GSN: variants seen among roughly 807,000 people sequenced by gnomAD.
GSN encodes actin-depolymerizing factor.
GSN carries 56 observed loss-of-function variants against 85.7 expected under a neutral mutation model. The ratio of observed to expected loss-of-function variants is 0.65; its 90% confidence interval spans 0.53 to 0.82. The LOEUF is 0.82. GSN is among the 40% of genes least tolerant of loss of function. GSN has a pLI of 0.00. For synonymous variants in GSN, 373 were observed against 399.1 expected (o/e 0.93, Z 0.78); for missense variants, 857 against 979.8 (o/e 0.87, Z 1.67).
intron 4 of GSN, among the ~76,000 whole-genome samples, chr9:121,226,181 T>A (rs1283335821): frequency 6.6e-6 from 1 of 152,212 alleles, no homozygotes; most frequent in South Asian, 2.1e-4. Context: ...ACCCAGGCTC[T>A]TCAAGTCATT....
intron 4 of GSN, among the ~76,000 whole-genome samples, chr9:121,307,844 T>C (rs405561): frequency 6.6e-6 from 1 of 152,178 alleles, no homozygotes; most frequent in Admixed American, 6.5e-5. Context: ...AACCCTCCTG[T>C]CTTTCTGCGC....
At chr9:121,205,267 G>A (rs762312094), upstream of GSN, among the ~76,000 whole-genome samples, 2 of 152,148 alleles carry the variant, frequency 1.3e-5, no homozygotes, top group African/African-American at 4.8e-5. Context: ...CAGCCTTTAG[G>A]GAAATTGTAA....
chr9:121,250,117 GATGCTGTTACAA>G (rs1204713455), intron 6 of GSN, among the ~76,000 whole-genome samples: 4 of 151,966 alleles, frequency 2.6e-5, no homozygotes, highest in Non-Finnish European at 5.9e-5. Context: ...TTTGTCTACA[GATGCTGTTACAA>G]AACTCACACA....
chr9:121,255,170 C>A (rs1235097168), intron 6 of GSN, among the ~76,000 whole-genome samples: 1 of 152,090 alleles, frequency 6.6e-6, no homozygotes, highest in Non-Finnish European at 1.5e-5. Flanking sequence ...GGATGGTCTC[C>A]ATCTCCTCAC....
chr9:121,328,848 G>A (rs1192709952), intron 14 of GSN, 43 bp from the exon 15 acceptor site: 1 of 1,603,254 alleles, frequency 6.2e-7, no homozygotes, highest in Non-Finnish European at 8.5e-7. Flanking sequence ...GGGAGAGAGG[G>A]GTGATGGCGT....
chr9:121,279,124 G>A (rs556712738), intron 1 of GSN, among the ~76,000 whole-genome samples: 1 of 152,014 alleles, frequency 6.6e-6, no homozygotes, highest in Non-Finnish European at 1.5e-5. Flanking sequence ...AGATTAGGGG[G>A]TGTGGAGGTC....
At position 121,329,129 on chromosome 9, in the gene GSN, G is replaced by A; in HGVS notation, c.1888-109G>A. On this transcript the variant is annotated intron_variant, in intron 15 of 17. Coordinates refer to ENST00000432226, the MANE Select transcript of GSN (RefSeq NM_198252.3). This position sits in a 1 kb window ranked among gnomAD's most constrained non-coding sequence, Gnocchi z 4.6. ...TCTGATGGTGTGGCACAGAGGAAGG[G>A]GCCCCCTGCCAGCTGCAGCCAGCTG... The A allele has an allele frequency of 6.5e-7, 1 of 1,528,632 alleles. No homozygotes were observed. Among genetic ancestry groups the A allele is most frequent in the Non-Finnish European group, 9.0e-7 (1 of 1,110,510 alleles). The allele number at this position is 1,528,632 out of a possible 1,614,324, so 94.7% of individuals were successfully genotyped here. A position where few individuals can be genotyped will look rare whatever the true frequency, so the allele number is the denominator to read the frequency against.
chr9:121,202,626 C>T, the GSN span, among the ~76,000 whole-genome samples: 3 of 152,190 alleles, frequency 2.0e-5, no homozygotes, highest in East Asian at 5.8e-4. Context: ...TGCAGGGACA[C>T]GTTTTGACTT....
Position 121,245,717 on chromosome 9 carries a change from G to C in GSN, c.-388-2559G>C, listed in dbSNP as rs138625713. On this transcript the variant is annotated intron_variant, in intron 5 of 24. Transcript: ENST00000373823. ...CTAGCTATGCCTACTAAAAATAATT[G>C]AAATTCAAGTAAACTGTGAAAAGAA... 3.8e-3 allele frequency among the ~76,000 whole-genome samples: 571 copies of C among 152,212 alleles called. 4 individuals are homozygous for C. The highest frequency in any genetic ancestry group is 0.013 in the African/African-American group (538 of 41,524).
In GSN at chr9:121,327,403, G is replaced by A. The variant is rs746958954; in HGVS notation, c.1683G>A (p.Glu561=). 11 of 1,612,964 alleles carry A rather than the reference G, an allele frequency of 6.8e-6. No homozygotes were observed. The South Asian group carries it at 1.2e-4, about 18-fold the overall frequency. ...AYLWVGTGAS[E]AEKTGAQELL... is the part of the protein sequence containing the mutation. ...TGTGGGTGGGTACAGGAGCCAGCGA[G>A]GCAGAGAAGACGGGGGCCCAGGAGC... The change falls in exon 14 of 18, where the codon GAG becomes GAA. Residue 561 remains glutamate, a synonymous_variant. Transcript: ENST00000432226.
intron 6 of GSN, chr9:121,313,387 T>G: frequency 5.0e-6 from 1 of 198,924 alleles, no homozygotes. Flanking sequence ...AGAATGGTGA[T>G]TATTATTATG....
chr9:121,251,184 G>GTTTTTTTT (rs1339859188), intron 6 of GSN, among the ~76,000 whole-genome samples: 1 of 6,370 alleles, frequency 1.6e-4, no homozygotes, highest in Non-Finnish European at 2.6e-4. Flanking sequence ...CAGCTGATGT[G>GTTTTTTTT]TTCTTTTTTT....
intron 16 of GSN, 36 bp from the exon 17 acceptor site, chr9:121,331,351 CT>C: frequency 7.1e-7 from 1 of 1,402,394 alleles, no homozygotes; most frequent in African/African-American, 1.4e-5. Context: ...TTGATCAGCA[CT>C]CCTCATGTAC....
At chr9:121,291,051 T>TA (rs1038349572) in intron 2 of GSN, among the ~76,000 whole-genome samples, 2 of 150,470 alleles carry the variant, frequency 1.3e-5, no homozygotes, top group African/African-American at 2.4e-5. Flanking sequence ...TCAGAAATAT[T>TA]AAAAAAAAAT....
rs1039170932 is a variant in GSN at position 121,273,448 on chromosome 9, C to T, written c.-103+5229C>T. 2.6e-5 allele frequency among the ~76,000 whole-genome samples: 4 copies of T among 151,940 alleles called. No homozygotes were observed. The South Asian group carries it at 8.3e-4, about 32-fold the overall frequency. ...GTGGGTGGCATATGTACTTTTTTCTCCCCACCTCCAAGGACCTTTTCCCCC... is the reference window on the plus strand; with the variant it reads ...GTGGGTGGCATATGTACTTTTTTCTTCCCACCTCCAAGGACCTTTTCCCCC... On this transcript the variant is annotated intron_variant, in intron 1 of 17. Transcript: ENST00000432226.
intron 2 of GSN, among the ~76,000 whole-genome samples, chr9:121,288,052 G>A (rs541570339): frequency 1.7e-4 from 26 of 152,040 alleles, no homozygotes; most frequent in Non-Finnish European, 3.5e-4. Context: ...TCAGCCTCCC[G>A]AGTAGGTGGG....
chr9:121,318,470 G>C lies in GSN; in HGVS notation c.951G>C (p.Lys317Asn), dbSNP rs1302495551. Residue 317 changes from lysine (K) to asparagine (N), a missense_variant, in exon 9 of 18, where the codon AAG (lysine) becomes AAC (asparagine). Physicochemically the swap from Lys to Asn is moderately conservative, Grantham distance 94. Transcript: ENST00000432226. This position sits in a 1 kb window ranked among gnomAD's most constrained non-coding sequence, Gnocchi z 4.3. ...AAACAGCCTCTGACTTCATCACCAA[G>C]ATGGACTACCCCAAGCAGACTCAGG... ...ALKTASDFIT[K>N]MDYPKQTQVS... 6 of 1,613,900 alleles carry C rather than the reference G, an allele frequency of 3.7e-6. No individual in the cohort carries two copies. The African/African-American group carries it at 6.7e-5, about 18-fold the overall frequency.
At chr9:121,271,161 G>A (rs1184149689) in intron 1 of GSN, among the ~76,000 whole-genome samples, 1 of 152,202 alleles carries the variant, frequency 6.6e-6, no homozygotes, top group Non-Finnish European at 1.5e-5. Context: ...CTTAAGCCAG[G>A]AGTTTGAGAC....
chr9:121,205,994 C>G (rs2053875274), upstream of GSN, among the ~76,000 whole-genome samples: 1 of 151,280 alleles, frequency 6.6e-6, no homozygotes, highest in Non-Finnish European at 1.5e-5. Flanking sequence ...TCCCCCCTAC[C>G]CCTATGCTTG....
Sources: gnomAD v4.1 joint callset for allele counts (sites outside exome capture counted in the v4.1 genomes callset) on GRCh38, gnomAD v4.1.1 for gene constraint, Gnocchi (gnomAD v3.1) non-coding constraint, MANE v1.5 for transcripts, NCBI Gene and HGNC (gene_info 2026-07-23, HGNC 2026-07-21) for gene names.